MAPRE2: variants seen among roughly 807,000 people sequenced by gnomAD.
MAPRE2 encodes the protein microtubule associated protein RP/EB family member 2, also known as microtubule-associated protein RP/EB family member 2.
Under a neutral mutation model 43.2 loss-of-function variants are expected in MAPRE2, and 13 were observed. The observed-to-expected ratio is 0.30, with a 90% CI of 0.20 to 0.48. The LOEUF (loss-of-function observed/expected upper bound fraction) is 0.48, where lower values mean the gene tolerates loss of function less well. MAPRE2 is among the 20% of genes least tolerant of loss of function. MAPRE2 has a pLI of 0.99. For missense variants in MAPRE2, 161 were observed against 400.2 expected (o/e 0.40, Z 5.10); for synonymous variants, 135 against 148.8 (o/e 0.91, Z 0.68).
intron 3 of MAPRE2, among the ~76,000 whole-genome samples, chr18:35,098,057 G>A (rs534284134): frequency 1.3e-5 from 2 of 152,266 alleles, no homozygotes; most frequent in Non-Finnish European, 2.9e-5. Flanking sequence ...TTATGAAGTT[G>A]ACATGAGAAG....
intron 2 of MAPRE2, among the ~76,000 whole-genome samples, chr18:35,088,375 G>A (rs1237009710): frequency 6.6e-6 from 1 of 152,170 alleles, no homozygotes; most frequent in African/African-American, 2.4e-5. Context: ...CAGCAAGGAA[G>A]CCAGCATGAA....
chr18:34,996,915 T>A (rs1298040586), intron 1 of MAPRE2, among the ~76,000 whole-genome samples: 1 of 152,070 alleles, frequency 6.6e-6, no homozygotes, highest in Admixed American at 6.5e-5. Context: ...ACAAGACCAG[T>A]GTTTGGGTTT....
At chr18:35,020,372 T>C (rs562339132) in intron 2 of MAPRE2, among the ~76,000 whole-genome samples, 1 of 152,274 alleles carries the variant, frequency 6.6e-6, no homozygotes, top group African/African-American at 2.4e-5. Context: ...TTATATTTGG[T>C]TGGTAGTTTC....
chr18:35,049,248 CCT>C (rs1244714478), intron 1 of MAPRE2, among the ~76,000 whole-genome samples: 1 of 151,998 alleles, frequency 6.6e-6, no homozygotes, highest in Non-Finnish European at 1.5e-5. Flanking sequence ...TCTGTGATTC[CCT>C]GAGAGGTCTT....
chr18:35,112,838 A>G (rs1472553343), intron 4 of MAPRE2, among the ~76,000 whole-genome samples: 1 of 152,220 alleles, frequency 6.6e-6, no homozygotes, highest in African/African-American at 2.4e-5. Flanking sequence ...GTAGCTTTGT[A>G]TAAACAACAG....
rs541041009 is a variant in MAPRE2, at chr18:35,141,963, A to G, written c.*1594A>G. ...CTCCAAAATAAATCTTTTGCAGCAA[A>G]GTGATATTTATTGAGTTATGTGGAA... On this transcript the variant is annotated 3_prime_UTR_variant, in exon 7 of 7. Coordinates refer to ENST00000300249, the MANE Select transcript of MAPRE2 (RefSeq NM_014268.4). The G allele has an allele frequency of 6.6e-6, 1 of 152,350 alleles. No individual in the cohort carries two copies. The highest frequency in any genetic ancestry group is 2.1e-4 in the South Asian group (1 of 4,834). The allele number at this position is 152,350 out of a possible 1,614,324, so 9.4% of individuals were successfully genotyped here. A position where few individuals can be genotyped will look rare whatever the true frequency, so the allele number is the denominator to read the frequency against.
rs1389000087 is a variant in MAPRE2 at position 34,984,937 on chromosome 18, TAATATATAAAATATATTATATATAAAA to T, written c.-70+7859_-70+7885del. Among the ~76,000 whole-genome samples, 28 of 16,080 alleles carry T rather than the reference TAATATATAAAATATATTATATATAAAA, an allele frequency of 1.7e-3. 3 individuals are homozygous for T. The East Asian group carries it at 0.043, about 25-fold the overall frequency. 10.5% of individuals were successfully genotyped at this position (16,080 alleles called of 152,430 possible). On this transcript the variant is annotated intron_variant, in intron 1 of 7. Coordinates refer to the MAPRE2 transcript ENST00000413393. The stretch of plus-strand genomic sequence containing the variant: ...AATATATAATATATTTTATGTTATA[TAATATATAAAATATATTATATATAAAA>T]TATATAATATATAAAATATATTATA...
At chr18:35,050,035 A>T (rs570850853) in intron 1 of MAPRE2, among the ~76,000 whole-genome samples, 1 of 152,332 alleles carries the variant, frequency 6.6e-6, no homozygotes, top group African/African-American at 2.4e-5. Context: ...GTATGCTATT[A>T]CATAAAAAGT....
At chr18:35,011,094 T>G (rs975931013) in intron 2 of MAPRE2, among the ~76,000 whole-genome samples, 1 of 152,122 alleles carries the variant, frequency 6.6e-6, no homozygotes, top group African/African-American at 2.4e-5. Context: ...TCAGCCCTGA[T>G]GGAGATATGG....
At chr18:35,013,346 T>C (rs533275847) in intron 2 of MAPRE2, among the ~76,000 whole-genome samples, 7 of 152,326 alleles carry the variant, frequency 4.6e-5, no homozygotes, top group African/African-American at 1.4e-4. Context: ...GGACAAGGCA[T>C]AGGAGAAACT....
At chr18:35,008,797 A>G (rs1568970046) in intron 2 of MAPRE2, among the ~76,000 whole-genome samples, 1 of 152,116 alleles carries the variant, frequency 6.6e-6, no homozygotes, top group Non-Finnish European at 1.5e-5. Flanking sequence ...AATCTAGTTT[A>G]CTATATTTTT....
chr18:34,979,808 C>T (rs1466110643), intron 1 of MAPRE2, among the ~76,000 whole-genome samples: 2 of 152,152 alleles, frequency 1.3e-5, no homozygotes, highest in Non-Finnish European at 2.9e-5. Context: ...GCCTTTAAAA[C>T]TGTCATCCCA....
intron 2 of MAPRE2, among the ~76,000 whole-genome samples, chr18:35,006,022 CATTTTTTTCTGTCTGGGATTTGT>C (rs1224085525): frequency 3.3e-5 from 5 of 152,160 alleles, no homozygotes; most frequent in Non-Finnish European, 5.9e-5. Flanking sequence ...TGGAAAGCCT[CATTTTTTTCTGTCTGGGATTTGT>C]CTTTGAGATG....
intron 1 of MAPRE2, among the ~76,000 whole-genome samples, chr18:35,005,199 CAA>C (rs1311214044): frequency 6.6e-6 from 1 of 151,994 alleles, no homozygotes; most frequent in African/African-American, 2.4e-5. Flanking sequence ...AGGGGAAAAA[CAA>C]AAGAAAAAAT....
At chr18:35,131,944 T>C in intron 5 of MAPRE2, 88 bp from the exon 6 acceptor site, 2 of 1,273,992 alleles carry the variant, frequency 1.6e-6, no homozygotes, top group Non-Finnish European at 2.2e-6. Context: ...TCTCTCTCTC[T>C]CTTTTGGGTT....
intron 2 of MAPRE2, among the ~76,000 whole-genome samples, chr18:35,091,562 A>G (rs912695087): frequency 3.3e-5 from 5 of 152,186 alleles, no homozygotes; most frequent in African/African-American, 9.7e-5. Context: ...AGAAAAAGAT[A>G]ATTTTAAAGT....
intron 1 of MAPRE2, among the ~76,000 whole-genome samples, chr18:35,003,016 T>G (rs2097030122): frequency 6.6e-6 from 1 of 152,152 alleles, no homozygotes. Context: ...TTTCTATAAG[T>G]TTTGTAGTCT....
intron 1 of MAPRE2, among the ~76,000 whole-genome samples, chr18:35,064,315 G>GA (rs1440345292): frequency 2.6e-5 from 4 of 151,956 alleles, no homozygotes; most frequent in Non-Finnish European, 5.9e-5. Context: ...AAACCTGCTG[G>GA]AAAAAATATA....
At chr18:35,006,975 A>T (rs1323292440) in intron 2 of MAPRE2, among the ~76,000 whole-genome samples, 1 of 152,180 alleles carries the variant, frequency 6.6e-6, no homozygotes, top group African/African-American at 2.4e-5. Flanking sequence ...ACAAGCAAAC[A>T]AAGTGGAGAT....
Sources: gnomAD v4.1 joint callset for allele counts (sites outside exome capture counted in the v4.1 genomes callset) on GRCh38, gnomAD v4.1.1 for gene constraint, MANE v1.5 for transcripts, NCBI Gene and HGNC (gene_info 2026-07-23, HGNC 2026-07-21) for gene names.